The following MAP3K7CL variants were observed in gnomAD, a reference collection of about 807,000 sequenced individuals.
The protein encoded by MAP3K7CL is MAP3K7 C-terminal like.
Under a neutral mutation model 18.6 loss-of-function variants are expected in MAP3K7CL, and 16 were observed. The ratio of observed to expected loss-of-function variants is 0.86; its 90% CI spans 0.58 to 1.31. The LOEUF (loss-of-function observed/expected upper bound fraction) is 1.31, where lower values mean the gene tolerates loss of function less well. MAP3K7CL is among the 50% of genes most tolerant of loss of function. The pLI is 0.00. For missense variants in MAP3K7CL, 163 were observed against 174.4 expected, an observed-to-expected ratio of 0.93 and a Z score of 0.37; for synonymous variants, 65 against 66.8, an observed-to-expected ratio of 0.97 and a Z score of 0.13.
At chr21:29,112,596 A>T (rs941454732) in intron 4 of MAP3K7CL, among the ~76,000 whole-genome samples, 2 of 151,698 alleles carry the variant, frequency 1.3e-5, no homozygotes, top group African/African-American at 2.4e-5. Context: ...GGTTTGATCA[A>T]GTTCAGTTTC....
chr21:29,150,741 A>G (rs1555877225), intron 3 of MAP3K7CL, among the ~76,000 whole-genome samples: 1 of 149,820 alleles, frequency 6.7e-6, no homozygotes, highest in Non-Finnish European at 1.5e-5. Flanking sequence ...TTTCAGCATG[A>G]AGAACAATTC....
chr21:29,160,131 C>A, intron 4 of MAP3K7CL, 75 bp downstream of exon 4: 1 of 1,159,140 alleles, frequency 8.6e-7, no homozygotes, highest in Non-Finnish European at 1.3e-6. Flanking sequence ...GGGCAGGGGA[C>A]AGGCTGAGTG....
At position 29,100,861 on chromosome 21, in the gene MAP3K7CL, C is replaced by T. The variant is rs796215487; in HGVS notation, c.370+8280C>T. Among the ~76,000 whole-genome samples, 60 of 151,662 alleles carry T rather than the reference C, an allele frequency of 4.0e-4. 1 individual carries two copies. Among genetic ancestry groups the T allele is most frequent in the Middle Eastern group, 6.8e-3 (2 of 294 alleles). On this transcript the variant is annotated intron_variant, in intron 4 of 6. Coordinates refer to the MAP3K7CL transcript ENST00000286791. ...CCGAGTAGCTGGGACTACAGGTGCC[C>T]GCCACCACACCTGGCTAATTTTTTG... is the stretch of plus-strand genomic sequence containing the variant.
At chr21:29,162,127 T>A (rs1409720571) in intron 4 of MAP3K7CL, among the ~76,000 whole-genome samples, 1 of 152,092 alleles carries the variant, frequency 6.6e-6, no homozygotes, top group East Asian at 1.9e-4. Context: ...TTATTAATCA[T>A]GTGATCCATA....
chr21:29,106,274 C>T (rs922240314), intron 4 of MAP3K7CL, among the ~76,000 whole-genome samples: 2 of 152,084 alleles, frequency 1.3e-5, no homozygotes, highest in Admixed American at 6.5e-5. Context: ...ACAACCTCTG[C>T]CTCCCGGGTT....
At chr21:29,142,723 A>T (rs1484045046) in intron 2 of MAP3K7CL, among the ~76,000 whole-genome samples, 1 of 152,226 alleles carries the variant, frequency 6.6e-6, no homozygotes, top group Non-Finnish European at 1.5e-5. Context: ...GTTATTTCCT[A>T]GGTGCTGGGC....
intron 2 of MAP3K7CL, among the ~76,000 whole-genome samples, chr21:29,137,674 A>T (rs1400125036): frequency 1.3e-5 from 2 of 152,190 alleles, no homozygotes; most frequent in African/African-American, 2.4e-5. Context: ...AGCAAGACTA[A>T]GACTAGTCCA....
At chr21:29,106,812 C>T (rs2086330567) in intron 4 of MAP3K7CL, among the ~76,000 whole-genome samples, 1 of 152,184 alleles carries the variant, frequency 6.6e-6, no homozygotes, top group South Asian at 2.1e-4. Flanking sequence ...TGGAGCAGGC[C>T]TCTGCCCTAC....
intron 4 of MAP3K7CL, among the ~76,000 whole-genome samples, chr21:29,093,222 A>G (rs1312391174): frequency 2.0e-5 from 3 of 152,190 alleles, no homozygotes; most frequent in Non-Finnish European, 4.4e-5. Context: ...TAAGACTTCT[A>G]TTTCCAAATA....
chr21:29,120,745 TCTTC>T (rs970548037), intron 4 of MAP3K7CL, among the ~76,000 whole-genome samples: 3 of 151,772 alleles, frequency 2.0e-5, no homozygotes, highest in South Asian at 4.2e-4. Flanking sequence ...CTTCCTTCCT[TCTTC>T]CTTCCTTCCT....
At chr21:29,130,414 C>T (rs938535514), upstream of MAP3K7CL, 33 of 197,818 alleles carry the variant, frequency 1.7e-4, no homozygotes, top group African/African-American at 6.8e-4. Context: ...TTGGAGCGGC[C>T]GACATTTTTG....
At chr21:29,163,693 CTTT>C (rs397866386) in intron 4 of MAP3K7CL, among the ~76,000 whole-genome samples, 9 of 125,990 alleles carry the variant, frequency 7.1e-5, no homozygotes, top group East Asian at 2.3e-4. Context: ...CCCTTTCTTC[CTTT>C]TTTTTTTTTT....
chr21:29,077,981 T>A (rs1184320496), intron 1 of MAP3K7CL, among the ~76,000 whole-genome samples: 2 of 152,246 alleles, frequency 1.3e-5, no homozygotes, highest in African/African-American at 2.4e-5. Flanking sequence ...AGTTCACTAT[T>A]TGTTTCTAGT....
intron 2 of MAP3K7CL, chr21:29,139,284 T>A (rs2086950946): frequency 6.6e-6 from 1 of 152,218 alleles, no homozygotes; most frequent in Non-Finnish European, 1.5e-5. Context: ...CATTATTTTT[T>A]AAGGCTAGTC....
At chr21:29,100,837 C>G (rs111543799) in intron 4 of MAP3K7CL, among the ~76,000 whole-genome samples, 3 of 150,618 alleles carry the variant, frequency 2.0e-5, no homozygotes, top group Non-Finnish European at 4.4e-5. Flanking sequence ...CTCAGCCTCC[C>G]GAGTAGCTGG....
chr21:29,121,393 A>G (rs2086592710), intron 4 of MAP3K7CL, among the ~76,000 whole-genome samples: 1 of 152,168 alleles, frequency 6.6e-6, no homozygotes, highest in Admixed American at 6.5e-5. Flanking sequence ...TTGGTAAATC[A>G]ATGTCTAAAC....
chr21:29,174,013 A>C (rs1023942706), intron 4 of MAP3K7CL, among the ~76,000 whole-genome samples: 2 of 152,184 alleles, frequency 1.3e-5, no homozygotes, highest in African/African-American at 4.8e-5. Flanking sequence ...AGCTCCTTAT[A>C]ATGTGTATTT....
intron 4 of MAP3K7CL, among the ~76,000 whole-genome samples, chr21:29,112,898 T>A (rs751189607): frequency 3.3e-5 from 5 of 152,056 alleles, no homozygotes; most frequent in Non-Finnish European, 7.4e-5. Context: ...AACCTCTGCC[T>A]CCTGGGTTCA....
intron 3 of MAP3K7CL, among the ~76,000 whole-genome samples, chr21:29,154,152 T>G (rs553927016): frequency 6.6e-6 from 1 of 152,278 alleles, no homozygotes; most frequent in South Asian, 2.1e-4. Flanking sequence ...CACATTGTTG[T>G]GGGAATTAAA....
Sources: allele counts gnomAD v4.1 joint callset (sites outside exome capture counted in the v4.1 genomes callset), GRCh38; gene constraint gnomAD v4.1.1; transcripts MANE v1.5; gene names NCBI Gene and HGNC (gene_info 2026-07-23, HGNC 2026-07-21).